KCNQ1OT1: variants seen among roughly 807,000 people sequenced by gnomAD.
KCNQ1OT1 encodes KCNQ1 antisense RNA 2 (non-protein coding).
Position 2,659,982 on chromosome 11 carries a change from CTG to C in KCNQ1OT1, n.40011_40012del. On this transcript the variant is annotated non_coding_transcript_exon_variant, in exon 1 of 1. Coordinates refer to ENST00000597346, the Ensembl canonical transcript of KCNQ1OT1. This position sits in a 1 kb window ranked among gnomAD's most constrained non-coding sequence, Gnocchi z 4.3. The stretch of plus-strand genomic sequence containing the variant: ...TGATATGCAAATATTCTTTCCAAGT[CTG>C]TGCTTTGTCTTTTCATTCCATTAGC... The C allele has an allele frequency of 2.5e-6, 1 of 398,436 alleles. No individual in the cohort carries two copies. Among genetic ancestry groups the C allele is most frequent in the South Asian group, 1.3e-4 (1 of 7,846 alleles). The allele number at this position is 398,436 out of a possible 1,614,324, so 24.7% of individuals were successfully genotyped here.
exon 1 of KCNQ1OT1, chr11:2,662,502 G>T (rs760133113): frequency 1.8e-5 from 8 of 441,076 alleles, no homozygotes; most frequent in Non-Finnish European, 2.8e-5. Flanking sequence ...TGTCCTCAGG[G>T]GCTCCTTCAG....
rs1471961846 is a variant in KCNQ1OT1, at chr11:2,635,860, C to G, written n.64135G>C. On this transcript the variant is annotated non_coding_transcript_exon_variant, in exon 1 of 1. Transcript: ENST00000597346. ...TGTTTGTATCCTCTTTTATTTTGTT[C>G]AGCAGTGGTTTGTACTTCTCCTTGA... 1.4e-4 allele frequency: 22 copies of G among 152,022 alleles called. 1 individual carries two copies. Among genetic ancestry groups the G allele is most frequent in the Non-Finnish European group, 4.4e-5 (3 of 68,004 alleles). 9.4% of individuals were successfully genotyped at this position (152,022 alleles called of 1,614,324 possible).
chr11:2,679,419 T>C lies in KCNQ1OT1; in HGVS notation n.20576A>G. The C allele has an allele frequency of 2.5e-6, 1 of 398,652 alleles. No homozygotes were observed. Among genetic ancestry groups the C allele is most frequent in the Non-Finnish European group, 4.4e-6 (1 of 226,072 alleles). The allele number at this position is 398,652 out of a possible 1,614,324, so 24.7% of individuals were successfully genotyped here. ...TAAAATGGGAATCATAAGAGTACCTTCCTCAGAGGGTTGTTAGGAGGATTA... is the reference window on the plus strand; with the variant it reads ...TAAAATGGGAATCATAAGAGTACCTCCCTCAGAGGGTTGTTAGGAGGATTA... On this transcript the variant is annotated non_coding_transcript_exon_variant, in exon 1 of 1. Coordinates refer to ENST00000597346, the Ensembl canonical transcript of KCNQ1OT1. The surrounding 1 kb of genome is among the most constrained non-coding windows in gnomAD (Gnocchi z 4.8).
rs1849783313 is a variant in KCNQ1OT1 at position 2,653,134 on chromosome 11, A to G, written n.46861T>C. On this transcript the variant is annotated non_coding_transcript_exon_variant, in exon 1 of 1. Transcript: ENST00000597346. The surrounding 1 kb of genome is among the most constrained non-coding windows in gnomAD (Gnocchi z 5.3). ...GTTTGGGGAGATGAGGACTTGCATC[A>G]CAGCAGTAGAAAGCCAATGTCCCAC... The G allele has an allele frequency of 7.5e-6, 3 of 398,732 alleles. No individual in the cohort carries two copies. Among genetic ancestry groups the G allele is most frequent in the Non-Finnish European group, 1.3e-5 (3 of 226,118 alleles). 24.7% of individuals were successfully genotyped at this position (398,732 alleles called of 1,614,324 possible).
exon 1 of KCNQ1OT1, chr11:2,618,264 A>T (rs1849102166): frequency 2.5e-6 from 1 of 398,420 alleles, no homozygotes; most frequent in South Asian, 1.3e-4. Flanking sequence ...CAATTGTCTT[A>T]GGCCACACAT....
At position 2,626,071 on chromosome 11, in the gene KCNQ1OT1, G is replaced by T. The variant is rs535180664; in HGVS notation, n.73924C>A. On this transcript the variant is annotated non_coding_transcript_exon_variant, in exon 1 of 1. Coordinates refer to ENST00000597346, the Ensembl canonical transcript of KCNQ1OT1. The surrounding 1 kb of genome is among the most constrained non-coding windows in gnomAD (Gnocchi z 4.0). ...TTATCTAGTTTTACTTTTATTGCCT[G>T]TGCAAGTACAATTTATCTATTTTTA... The T allele has an allele frequency of 1.5e-5, 6 of 398,540 alleles. No homozygotes were observed. The South Asian group carries it at 7.6e-4, about 51-fold the overall frequency. 24.7% of individuals were successfully genotyped at this position (398,540 alleles called of 1,614,324 possible).
rs1051778166 is a variant in KCNQ1OT1, at chr11:2,664,220, C to T, written n.35775G>A. ...GGCAGGAAGGAGCCCAGGCATGGGG[C>T]TTGGGGTGAGGGATCTGAAGAGGGG... On this transcript the variant is annotated non_coding_transcript_exon_variant, in exon 1 of 1. Coordinates refer to ENST00000597346, the Ensembl canonical transcript of KCNQ1OT1. The surrounding 1 kb of genome is among the most constrained non-coding windows in gnomAD (Gnocchi z 5.1). The T allele has an allele frequency of 2.8e-5, 11 of 398,652 alleles. No individual in the cohort carries two copies. Among genetic ancestry groups the T allele is most frequent in the African/African-American group, 2.3e-4 (11 of 48,576 alleles). 24.7% of individuals were successfully genotyped at this position (398,652 alleles called of 1,614,324 possible).
exon 1 of KCNQ1OT1, chr11:2,648,434 C>A (rs76659035): frequency 0.013 from 5,135 of 398,410 alleles, 155 homozygotes; most frequent in East Asian, 0.079. Flanking sequence ...CATAGCACTT[C>A]TTTTGTTGTA....
Position 2,673,744 on chromosome 11 carries a change from G to A in KCNQ1OT1, n.26251C>T, listed in dbSNP as rs985687453. The A allele has an allele frequency of 5.0e-6, 2 of 398,486 alleles. No individual in the cohort carries two copies. Among genetic ancestry groups the A allele is most frequent in the Non-Finnish European group, 8.8e-6 (2 of 226,154 alleles). The allele number at this position is 398,486 out of a possible 1,614,324, so 24.7% of individuals were successfully genotyped here. ...GGAAGGCCCAGACTGGACAGGGGAA[G>A]GGGTACAGTCCCTTCTTGCTGGTAT... On this transcript the variant is annotated non_coding_transcript_exon_variant, in exon 1 of 1. Coordinates refer to ENST00000597346, the Ensembl canonical transcript of KCNQ1OT1. The surrounding 1 kb of genome is among the most constrained non-coding windows in gnomAD (Gnocchi z 4.5).
Position 2,621,940 on chromosome 11 carries a change from A to G in KCNQ1OT1, n.78055T>C, listed in dbSNP as rs1429084917. On this transcript the variant is annotated non_coding_transcript_exon_variant, in exon 1 of 1. Transcript: ENST00000597346. This position sits in a 1 kb window ranked among gnomAD's most constrained non-coding sequence, Gnocchi z 5.7. Reference sequence around the variant, plus strand: ...GCTTTAGTTTGTTCTTCTTTTTCTAATTCCTTGAGGTACAATTTTGGGCTA... The same window carrying G: ...GCTTTAGTTTGTTCTTCTTTTTCTAGTTCCTTGAGGTACAATTTTGGGCTA... The G allele has an allele frequency of 2.5e-6, 1 of 397,764 alleles. No homozygotes were observed. Among genetic ancestry groups the G allele is most frequent in the Non-Finnish European group, 4.4e-6 (1 of 225,830 alleles). The allele number at this position is 397,764 out of a possible 1,614,324, so 24.6% of individuals were successfully genotyped here. A position where few individuals can be genotyped will look rare whatever the true frequency, so the allele number is the denominator to read the frequency against.
Position 2,671,951 on chromosome 11 carries a change from A to C in KCNQ1OT1, n.28044T>G, listed in dbSNP as rs1241401524. On this transcript the variant is annotated non_coding_transcript_exon_variant, in exon 1 of 1. Transcript: ENST00000597346. The surrounding 1 kb of genome is among the most constrained non-coding windows in gnomAD (Gnocchi z 4.7). ...GGCAGCTAGTCTCTGTATCTGGGGT[A>C]GAAAGAGTGGGCTAAAAAGTCAGCT... 3.8e-5 allele frequency: 15 copies of C among 398,622 alleles called. No homozygotes were observed. The highest frequency in any genetic ancestry group is 3.1e-4 in the African/African-American group (15 of 48,728). 24.7% of individuals were successfully genotyped at this position (398,622 alleles called of 1,614,324 possible). A position where few individuals can be genotyped will look rare whatever the true frequency, so the allele number is the denominator to read the frequency against.
At chr11:2,610,716 C>CTTTTT (rs1167505141) in exon 1 of KCNQ1OT1, 45 of 230,128 alleles carry the variant, frequency 2.0e-4, no homozygotes, top group Admixed American at 6.3e-4. Context: ...TCTTGGTTGG[C>CTTTTT]TTTTTTTTTT....
At position 2,676,111 on chromosome 11, in the gene KCNQ1OT1, G is replaced by C. The variant is rs1850288891; in HGVS notation, n.23884C>G. The C allele has an allele frequency of 2.5e-6, 1 of 398,596 alleles. No individual in the cohort carries two copies. The highest frequency in any genetic ancestry group is 4.4e-6 in the Non-Finnish European group (1 of 226,066). 24.7% of individuals were successfully genotyped at this position (398,596 alleles called of 1,614,324 possible). ...TGTCTGTGTGTGCATGTACTTAGTA[G>C]ATACGGCTCCTTTTTATACAAATGG... On this transcript the variant is annotated non_coding_transcript_exon_variant, in exon 1 of 1. Transcript: ENST00000597346. The surrounding 1 kb of genome is among the most constrained non-coding windows in gnomAD (Gnocchi z 4.2).
chr11:2,624,786 A>C lies in KCNQ1OT1; in HGVS notation n.75209T>G, dbSNP rs1849237198. ...TCTTGGAAACCACCTTGTACTTTCT[A>C]TGTCTCTGATTTGACTATTCTACAT... On this transcript the variant is annotated non_coding_transcript_exon_variant, in exon 1 of 1. Transcript: ENST00000597346. The surrounding 1 kb of genome is among the most constrained non-coding windows in gnomAD (Gnocchi z 4.9). The C allele has an allele frequency of 2.5e-6, 1 of 398,380 alleles. No individual in the cohort carries two copies. The highest frequency in any genetic ancestry group is 4.4e-5 in the Admixed American group (1 of 22,712). The allele number at this position is 398,380 out of a possible 1,614,324, so 24.7% of individuals were successfully genotyped here.
At chr11:2,689,863 C>T (rs1850559902) in exon 1 of KCNQ1OT1, 1 of 398,846 alleles carries the variant, frequency 2.5e-6, no homozygotes, top group Non-Finnish European at 4.4e-6. Flanking sequence ...TAGCACCCAC[C>T]CCTGCCTATC....
chr11:2,691,064 A>T lies in KCNQ1OT1; in HGVS notation n.8931T>A. ...ATATGCTGGGTGAGGGAAATAATGGAGGCACCTTTGTTCTAGATGCCTGCA... is the reference window on the plus strand; with the variant it reads ...ATATGCTGGGTGAGGGAAATAATGGTGGCACCTTTGTTCTAGATGCCTGCA... On this transcript the variant is annotated non_coding_transcript_exon_variant, in exon 1 of 1. Transcript: ENST00000597346. The surrounding 1 kb of genome is among the most constrained non-coding windows in gnomAD (Gnocchi z 6.4). 1 of 398,666 alleles carries T rather than the reference A, an allele frequency of 2.5e-6. No homozygotes were observed. The allele number at this position is 398,666 out of a possible 1,614,324, so 24.7% of individuals were successfully genotyped here.
exon 1 of KCNQ1OT1, chr11:2,660,393 T>C (rs952880673): frequency 2.0e-5 from 8 of 398,460 alleles, no homozygotes; most frequent in African/African-American, 1.6e-4. Context: ...CCTTCCTTTT[T>C]TATAAAGCAA....
exon 1 of KCNQ1OT1, chr11:2,699,916 C>T (rs1850764984): frequency 7.5e-6 from 3 of 398,366 alleles, no homozygotes; most frequent in African/African-American, 2.1e-5. Flanking sequence ...CCGGCAGAAT[C>T]GCGCTGAGGG....
exon 1 of KCNQ1OT1, chr11:2,628,873 C>A (rs1849305546): frequency 2.5e-6 from 1 of 398,330 alleles, no homozygotes; most frequent in East Asian, 3.6e-5. Context: ...CAAGAGAGTA[C>A]CCTTTCCCCA....
Sources: allele counts gnomAD v4.1 joint callset, GRCh38; gene constraint gnomAD v4.1.1; non-coding constraint Gnocchi (gnomAD v3.1); transcripts MANE v1.5; gene names NCBI Gene and HGNC (gene_info 2026-07-23, HGNC 2026-07-21).